Variants in FHOD3 observed in about 807,000 individuals in gnomAD.
The protein encoded by FHOD3 is FH1/FH2 domain-containing protein 3.
Under a neutral mutation model 173.0 loss-of-function variants are expected in FHOD3, and 90 were observed. That is an observed-to-expected ratio of 0.52 (90% CI 0.44 to 0.62). FHOD3 has a LOEUF of 0.62. FHOD3 is among the 20% of genes least tolerant of loss of function. The pLI, the probability that FHOD3 is intolerant of heterozygous loss-of-function variation, is 0.00. For missense variants in FHOD3, 1,945 were observed against 2,034.7 expected (o/e 0.96, Z 0.85); for synonymous variants, 828 against 823.0 (o/e 1.01, Z -0.10).
At chr18:36,594,459 G>A (rs929251329) in intron 6 of FHOD3, among the ~76,000 whole-genome samples, 4 of 152,104 alleles carry the variant, frequency 2.6e-5, no homozygotes, top group African/African-American at 7.2e-5. Context: ...AGACGTAATC[G>A]ATTCAGCACA....
At chr18:36,720,692 CCCT>C (rs756203055) in intron 19 of FHOD3, among the ~76,000 whole-genome samples, 2 of 112,574 alleles carry the variant, frequency 1.8e-5, no homozygotes, top group African/African-American at 7.0e-5. Context: ...TTCCTCCTCC[CCCT>C]CCTTCTCCTC....
intron 1 of FHOD3, among the ~76,000 whole-genome samples, chr18:36,338,153 C>T (rs1487480948): frequency 6.6e-6 from 1 of 152,202 alleles, no homozygotes; most frequent in African/African-American, 2.4e-5. Context: ...GTGTTATGTA[C>T]AGTTGAAACT....
chr18:36,695,691 A>T (rs968552805), intron 17 of FHOD3, among the ~76,000 whole-genome samples: 3 of 152,336 alleles, frequency 2.0e-5, no homozygotes, highest in Non-Finnish European at 2.9e-5. Flanking sequence ...AAGTGTATGA[A>T]AAGATGGTGG....
chr18:36,544,194 C>T (rs565416392), intron 5 of FHOD3, among the ~76,000 whole-genome samples: 74 of 152,304 alleles, frequency 4.9e-4, no homozygotes, highest in African/African-American at 1.8e-3. Flanking sequence ...GGCTTCTGGG[C>T]AGACTGCCTG....
chr18:36,747,238 C>T (rs994969268), intron 24 of FHOD3, 103 bp downstream of exon 24: 15 of 903,310 alleles, frequency 1.7e-5, no homozygotes, highest in Non-Finnish European at 2.3e-5. Flanking sequence ...ATTTTTTGTA[C>T]ATTCTTGGTA....
intron 20 of FHOD3, among the ~76,000 whole-genome samples, chr18:36,739,983 G>A (rs1488507963): frequency 6.6e-6 from 1 of 152,104 alleles, no homozygotes; most frequent in Non-Finnish European, 1.5e-5. Flanking sequence ...GTGTTCAATA[G>A]GAATAGTAGG....
intron 1 of FHOD3, among the ~76,000 whole-genome samples, chr18:36,348,252 A>T (rs994566985): frequency 1.3e-5 from 2 of 152,218 alleles, no homozygotes; most frequent in Non-Finnish European, 2.9e-5. Flanking sequence ...GCCTAGCAAC[A>T]AAAGTACCAT....
chr18:36,314,940 T>C (rs549715638), intron 1 of FHOD3, among the ~76,000 whole-genome samples: 1 of 152,330 alleles, frequency 6.6e-6, no homozygotes, highest in East Asian at 1.9e-4. Context: ...GGAAGTTAAA[T>C]GTGCAATCAT....
chr18:36,664,257 A>G (rs2037002843), intron 14 of FHOD3, among the ~76,000 whole-genome samples: 1 of 152,216 alleles, frequency 6.6e-6, no homozygotes. Flanking sequence ...TATGTGACAC[A>G]GTTAATGGCA....
intron 3 of FHOD3, among the ~76,000 whole-genome samples, chr18:36,452,245 G>C (rs879337243): frequency 2.4e-4 from 37 of 152,132 alleles, no homozygotes; most frequent in Non-Finnish European, 4.0e-4. Flanking sequence ...CCACTTTCCA[G>C]GACTGTAGAA....
chr18:36,615,628 G>T (rs2033126358), intron 9 of FHOD3, among the ~76,000 whole-genome samples: 2 of 152,036 alleles, frequency 1.3e-5, no homozygotes, highest in Non-Finnish European at 2.9e-5. Context: ...CTATCTGTGT[G>T]TATACCATAA....
chr18:36,306,313 G>T (rs1598640286), intron 1 of FHOD3, among the ~76,000 whole-genome samples: 1 of 152,182 alleles, frequency 6.6e-6, no homozygotes, highest in African/African-American at 2.4e-5. Context: ...GTGTTTCTGG[G>T]CTCTGGGCTC....
intron 17 of FHOD3, among the ~76,000 whole-genome samples, chr18:36,703,416 G>A (rs900073356): frequency 6.6e-6 from 1 of 152,178 alleles, no homozygotes; most frequent in Non-Finnish European, 1.5e-5. Context: ...TCAGAGAGTA[G>A]CCAGCCTACT....
intron 27 of FHOD3, among the ~76,000 whole-genome samples, chr18:36,763,261 A>G (rs1262570844): frequency 1.4e-5 from 2 of 146,076 alleles, no homozygotes; most frequent in Non-Finnish European, 3.0e-5. Flanking sequence ...TATATACAAT[A>G]TGCGTATTAT....
chr18:36,544,964 T>G (rs1396534965), intron 5 of FHOD3, among the ~76,000 whole-genome samples: 1 of 152,218 alleles, frequency 6.6e-6, no homozygotes, highest in Non-Finnish European at 1.5e-5. Flanking sequence ...TGCCACTAGT[T>G]TTTACATCTC....
chr18:36,367,087 T>C (rs1453923020), intron 2 of FHOD3, among the ~76,000 whole-genome samples: 12 of 152,224 alleles, frequency 7.9e-5, no homozygotes. Flanking sequence ...GGGTCAGAAC[T>C]GAAACATGCA....
rs762740889 is a variant in FHOD3, at chr18:36,355,533, T to C, written c.166-6T>C. On this transcript the variant is annotated splice_region_variant and splice_polypyrimidine_tract_variant and intron_variant, in intron 1 of 28. Transcript: ENST00000590592. ...GGTTGGGTATAACAGGCTCTTTCTC[T>C]TGCAGCTGGATGACTGTACTCTGCA... is the stretch of plus-strand genomic sequence containing the variant. 6.2e-7 allele frequency: 1 copy of C among 1,613,920 alleles called. No individual in the cohort carries two copies. The highest frequency in any genetic ancestry group is 1.1e-5 in the South Asian group (1 of 91,066).
At chr18:36,302,506 A>G (rs1253961234) in intron 1 of FHOD3, among the ~76,000 whole-genome samples, 1 of 152,220 alleles carries the variant, frequency 6.6e-6, no homozygotes, top group Non-Finnish European at 1.5e-5. Flanking sequence ...TCAGGCTCTC[A>G]GTACATGGGG....
intron 20 of FHOD3, among the ~76,000 whole-genome samples, chr18:36,733,403 T>G (rs2041471925): frequency 6.6e-6 from 1 of 152,204 alleles, no homozygotes; most frequent in Admixed American, 6.5e-5. Context: ...AGCTTCAGAT[T>G]CATACGGAGA....
Sources: gnomAD v4.1 joint callset for allele counts (sites outside exome capture counted in the v4.1 genomes callset) on GRCh38, gnomAD v4.1.1 for gene constraint, MANE v1.5 for transcripts, NCBI Gene and HGNC (gene_info 2026-07-23, HGNC 2026-07-21) for gene names.